The following NUDCD3 variants were observed in gnomAD, a reference collection of about 807,000 sequenced individuals.
The protein encoded by NUDCD3 is NudC domain containing 3.
In NUDCD3, 13 loss-of-function variants were observed where a neutral mutation model predicts 39.7. That is an observed-to-expected ratio of 0.33 (90% confidence interval 0.21 to 0.52). The LOEUF (loss-of-function observed/expected upper bound fraction) is 0.52, where lower values mean the gene tolerates loss of function less well. Ranked by LOEUF, NUDCD3 falls within the 20% of genes least tolerant of loss-of-function variation. NUDCD3 has a pLI of 0.96. For synonymous variants in NUDCD3, 175 were observed against 172.4 expected, an observed-to-expected ratio of 1.02 and a Z score of -0.12; for missense variants, 453 against 458.1, an observed-to-expected ratio of 0.99 and a Z score of 0.10.
At chr7:44,392,152 G>A in intron 5 of NUDCD3, 145 bp downstream of exon 5, 1 of 712,336 alleles carries the variant, frequency 1.4e-6, no homozygotes, top group Non-Finnish European at 2.3e-6. Flanking sequence ...GGTAAGACAG[G>A]TTCCTTGCTA....
rs307018 is a variant in NUDCD3, at chr7:44,475,211, A to G, written c.509+9757T>C. 8.9e-3 allele frequency among the ~76,000 whole-genome samples: 1,349 copies of G among 150,948 alleles called. 20 individuals are homozygous for G. The highest frequency in any genetic ancestry group is 0.031 in the African/African-American group (1,273 of 41,064). On this transcript the variant is annotated intron_variant, in intron 2 of 5. Coordinates refer to ENST00000355451, the MANE Select transcript of NUDCD3 (RefSeq NM_015332.4). ...ACTGCAACCCCCGCCTCCTAGGTTC[A>G]AGCAATTCTTCTGCCTCAGCTTCCC...
At chr7:44,483,155 T>C (rs1268103041) in intron 2 of NUDCD3, among the ~76,000 whole-genome samples, 2 of 152,118 alleles carry the variant, frequency 1.3e-5, no homozygotes, top group Non-Finnish European at 2.9e-5. Flanking sequence ...GAGTAAATCT[T>C]AATCAAATTG....
In NUDCD3 at chr7:44,384,964, C is replaced by A. The variant is rs1798376522; in HGVS notation, c.*1047G>T. On this transcript the variant is annotated 3_prime_UTR_variant, in exon 6 of 6. Coordinates refer to ENST00000355451, the MANE Select transcript of NUDCD3 (RefSeq NM_015332.4). Reference sequence around the variant, plus strand: ...CCCTGGAGAACAGGTAAGATTGGGCCATAAGTTCCAAGGAGCACAGTCTGG... The same window carrying A: ...CCCTGGAGAACAGGTAAGATTGGGCAATAAGTTCCAAGGAGCACAGTCTGG... The A allele has an allele frequency of 6.6e-6, 1 of 152,256 alleles. No homozygotes were observed. The highest frequency in any genetic ancestry group is 1.9e-4 in the East Asian group (1 of 5,184). 9.4% of individuals were successfully genotyped at this position (152,256 alleles called of 1,614,324 possible).
intron 2 of NUDCD3, among the ~76,000 whole-genome samples, chr7:44,441,326 G>C (rs188043630): frequency 6.6e-6 from 1 of 152,158 alleles, no homozygotes; most frequent in Non-Finnish European, 1.5e-5. Flanking sequence ...GGGATTCTTA[G>C]ACTAAACTAC....
chr7:44,436,601 C>T (rs1346094801), intron 2 of NUDCD3, among the ~76,000 whole-genome samples: 2 of 152,212 alleles, frequency 1.3e-5, no homozygotes, highest in African/African-American at 2.4e-5. Context: ...AGACTTTATA[C>T]AATCTTGCCA....
intron 4 of NUDCD3, among the ~76,000 whole-genome samples, chr7:44,401,737 A>C (rs1180089669): frequency 2.6e-5 from 4 of 152,158 alleles, no homozygotes; most frequent in Admixed American, 6.5e-5. Flanking sequence ...AATTTCTACA[A>C]GCTCTTTGAG....
chr7:44,408,734 AAG>A (rs1238517670), intron 3 of NUDCD3, among the ~76,000 whole-genome samples: 2 of 152,190 alleles, frequency 1.3e-5, no homozygotes, highest in Non-Finnish European at 2.9e-5. Context: ...ACATCTCAGT[AAG>A]AACAGTGAGC....
At chr7:44,473,015 C>T (rs866931208) in intron 2 of NUDCD3, among the ~76,000 whole-genome samples, 1 of 152,166 alleles carries the variant, frequency 6.6e-6, no homozygotes, top group African/African-American at 2.4e-5. Flanking sequence ...GACACTTAAA[C>T]GCATATTCAC....
intron 2 of NUDCD3, among the ~76,000 whole-genome samples, chr7:44,429,574 C>T (rs934333602): frequency 1.3e-5 from 2 of 152,128 alleles, no homozygotes; most frequent in East Asian, 1.9e-4. Context: ...TCGTTTAAGC[C>T]GGCCATTTTG....
In NUDCD3 at chr7:44,490,632, C is replaced by G. The variant is rs758399545; in HGVS notation, c.-32G>C. The G allele has an allele frequency of 6.4e-7, 1 of 1,565,626 alleles. No individual in the cohort carries two copies. The highest frequency in any genetic ancestry group is 8.6e-7 in the Non-Finnish European group (1 of 1,156,786). ...TCCCGCCCTAGGTACGCTTCACACACACAGCGCCGCCTCAGACCTGCCGAC... is the reference window on the plus strand; with the variant it reads ...TCCCGCCCTAGGTACGCTTCACACAGACAGCGCCGCCTCAGACCTGCCGAC... On this transcript the variant is annotated 5_prime_UTR_variant, in exon 1 of 6. Coordinates refer to ENST00000355451, the MANE Select transcript of NUDCD3 (RefSeq NM_015332.4).
intron 2 of NUDCD3, among the ~76,000 whole-genome samples, chr7:44,476,716 G>C (rs926137338): frequency 9.2e-5 from 14 of 152,168 alleles, no homozygotes; most frequent in African/African-American, 2.7e-4. Context: ...GCATGCACTG[G>C]GGGGGTCATC....
At chr7:44,444,426 TCTGGCTGGGAGA>T (rs944109156) in intron 2 of NUDCD3, among the ~76,000 whole-genome samples, 1 of 152,150 alleles carries the variant, frequency 6.6e-6, no homozygotes, top group Non-Finnish European at 1.5e-5. Flanking sequence ...AGAAAGCTTT[TCTGGCTGGGAGA>T]CAGGGCCCAA....
At chr7:44,455,756 T>C (rs753336743) in intron 2 of NUDCD3, among the ~76,000 whole-genome samples, 39 of 151,964 alleles carry the variant, frequency 2.6e-4, no homozygotes, top group Non-Finnish European at 1.0e-4. Flanking sequence ...GTAAAGAATA[T>C]TGCTTAAAAA....
chr7:44,422,282 T>C (rs1306897352), intron 3 of NUDCD3, among the ~76,000 whole-genome samples: 1 of 151,538 alleles, frequency 6.6e-6, no homozygotes, highest in Non-Finnish European at 1.5e-5. Context: ...AAGAAATAAC[T>C]AAGATCAGAG....
chr7:44,416,327 A>G (rs35700882), intron 3 of NUDCD3, among the ~76,000 whole-genome samples: 20,564 of 151,948 alleles, frequency 0.14, 1,721 homozygotes, highest in Non-Finnish European at 0.19. Flanking sequence ...GGGCTCAAGC[A>G]ATCTGCCCAC....
intron 2 of NUDCD3, among the ~76,000 whole-genome samples, chr7:44,456,120 T>C (rs1170051383): frequency 2.3e-5 from 3 of 130,844 alleles, no homozygotes; most frequent in Admixed American, 7.4e-5. Flanking sequence ...CTAATAATGA[T>C]AGCAAAGAAA....
intron 2 of NUDCD3, among the ~76,000 whole-genome samples, chr7:44,470,279 G>C (rs1407729898): frequency 2.6e-5 from 4 of 152,126 alleles, no homozygotes; most frequent in African/African-American, 9.7e-5. Context: ...CCAGCAGCCA[G>C]ACCACAGATC....
chr7:44,478,764 G>T (rs1800432008), intron 2 of NUDCD3, among the ~76,000 whole-genome samples: 1 of 152,220 alleles, frequency 6.6e-6, no homozygotes, highest in South Asian at 2.1e-4. Flanking sequence ...TACTATAAAT[G>T]AAACCTGTAC....
chr7:44,458,225 A>G (rs539007208), intron 2 of NUDCD3, among the ~76,000 whole-genome samples: 1 of 152,232 alleles, frequency 6.6e-6, no homozygotes, highest in South Asian at 2.1e-4. Flanking sequence ...AGGCCACATA[A>G]TGTATTATTC....
Sources: gnomAD v4.1 joint callset for allele counts (sites outside exome capture counted in the v4.1 genomes callset) on GRCh38, gnomAD v4.1.1 for gene constraint, MANE v1.5 for transcripts, NCBI Gene and HGNC (gene_info 2026-07-23, HGNC 2026-07-21) for gene names.